ZC3H15: variants seen among roughly 807,000 people sequenced by gnomAD.
ZC3H15 encodes zinc finger CCCH-type containing 15, also known as zinc finger CCCH domain-containing protein 15.
ZC3H15 carries 15 observed loss-of-function variants against 51.2 expected under a neutral mutation model. That is an observed-to-expected ratio of 0.29 (90% CI 0.20 to 0.45). ZC3H15 has a LOEUF of 0.45. Among genes scored for constraint, ZC3H15 ranks in the 20% least tolerant of loss-of-function variants. The pLI is 1.00. For missense variants in ZC3H15, 381 were observed against 494.7 expected, an observed-to-expected ratio of 0.77 and a Z score of 2.18; for synonymous variants, 144 against 162.8, an observed-to-expected ratio of 0.88 and a Z score of 0.88.
intron 1 of ZC3H15, among the ~76,000 whole-genome samples, chr2:186,486,736 A>G (rs1214543570): frequency 6.6e-6 from 1 of 152,168 alleles, no homozygotes; most frequent in Non-Finnish European, 1.5e-5. Flanking sequence ...CGGGACTGGC[A>G]CAGGGTTTTA....
At chr2:186,506,003 T>C in intron 8 of ZC3H15, 162 bp downstream of exon 8, 1 of 730,700 alleles carries the variant, frequency 1.4e-6, no homozygotes, top group Non-Finnish European at 2.5e-6. Context: ...CCTCATCTAA[T>C]ATGGACATAA....
In ZC3H15 at chr2:186,500,816, A is replaced by G. The variant is rs890782736; in HGVS notation, c.290-457A>G. 2.5e-5 allele frequency: 10 copies of G among 406,698 alleles called. No homozygotes were observed. The East Asian group carries it at 7.0e-4, about 29-fold the overall frequency. The allele number at this position is 406,698 out of a possible 1,614,324, so 25.2% of individuals were successfully genotyped here. A position where few individuals can be genotyped will look rare whatever the true frequency, so the allele number is the denominator to read the frequency against. ...CAGCCTCCCAGGTAGCTGGGATTACAGGCACGCACTACCACGCCCAGCTAG... is the reference window on the plus strand; with the variant it reads ...CAGCCTCCCAGGTAGCTGGGATTACGGGCACGCACTACCACGCCCAGCTAG... On this transcript the variant is annotated intron_variant, in intron 3 of 9. Transcript: ENST00000337859.
At chr2:186,498,855 G>C (rs1343764415) in intron 2 of ZC3H15, among the ~76,000 whole-genome samples, 1 of 152,074 alleles carries the variant, frequency 6.6e-6, no homozygotes, top group Non-Finnish European at 1.5e-5. Context: ...TTACCTGTAA[G>C]CTGCTATTTC....
intron 6 of ZC3H15, 143 bp from the exon 7 acceptor site, chr2:186,505,308 A>G (rs949079227): frequency 1.4e-5 from 14 of 1,008,588 alleles, no homozygotes; most frequent in Non-Finnish European, 1.8e-5. Flanking sequence ...CGTAAAGTAA[A>G]AAAATACATA....
intron 8 of ZC3H15, chr2:186,506,143 TCCTC>T: frequency 2.4e-6 from 1 of 422,656 alleles, no homozygotes; most frequent in South Asian, 2.2e-5. Flanking sequence ...GTATGTTTTG[TCCTC>T]CCTCTAAAAG....
intron 1 of ZC3H15, among the ~76,000 whole-genome samples, chr2:186,492,713 C>A (rs1008243559): frequency 6.6e-6 from 1 of 152,094 alleles, no homozygotes; most frequent in Non-Finnish European, 1.5e-5. Flanking sequence ...CTAATTGTTT[C>A]AGTACTATTG....
chr2:186,490,007 A>T (rs555600877), intron 1 of ZC3H15, among the ~76,000 whole-genome samples: 3 of 152,332 alleles, frequency 2.0e-5, no homozygotes, highest in African/African-American at 7.2e-5. Flanking sequence ...GTGTATTATA[A>T]ATAAAAACTA....
rs760590448 is a variant in ZC3H15, at chr2:186,505,578, A to T, written c.845A>T (p.Lys282Ile). The T allele has an allele frequency of 6.2e-7, 1 of 1,605,390 alleles. No individual in the cohort carries two copies. Among genetic ancestry groups the T allele is most frequent in the African/African-American group, 1.3e-5 (1 of 74,272 alleles). The part of the protein sequence containing the change: ...QDMERRKADF[K>I]AGKALVISGR... Reference sequence around the variant, plus strand: ...ATGGAAAGAAGGAAAGCTGACTTCAAAGCAGGGAAAGCACTAGTGGTATGT... The same window carrying T: ...ATGGAAAGAAGGAAAGCTGACTTCATAGCAGGGAAAGCACTAGTGGTATGT... The change falls in exon 7 of 10, where the codon AAA becomes ATA. Residue 282 changes from lysine to isoleucine, a missense_variant. By Grantham distance (102) the Lys-to-Ile change is moderately radical. This residue lies in a region of ZC3H15 where 215 missense variants were observed against 241.8 expected (regional missense o/e 0.89). Transcript: ENST00000337859.
At chr2:186,490,931 A>G (rs991833432) in intron 1 of ZC3H15, among the ~76,000 whole-genome samples, 4 of 152,154 alleles carry the variant, frequency 2.6e-5, no homozygotes, top group African/African-American at 4.8e-5. Context: ...TATTAATCCA[A>G]TGAGGACCAT....
chr2:186,501,207 C>T, intron 3 of ZC3H15, 66 bp from the exon 4 acceptor site: 1 of 1,442,834 alleles, frequency 6.9e-7, no homozygotes, highest in South Asian at 1.7e-5. Flanking sequence ...CATCATATTT[C>T]AGGTAGAATC....
intron 9 of ZC3H15, 75 bp downstream of exon 9, chr2:186,506,911 C>G: frequency 6.7e-7 from 1 of 1,483,550 alleles, no homozygotes; most frequent in Non-Finnish European, 9.1e-7. Context: ...GCTTGGCAAA[C>G]TTAGATGTGT....
chr2:186,509,064 A>G lies in ZC3H15; in HGVS notation c.*331A>G. ...TGGGCATGTGCTATTACCAGAAACAACAAACTTATATTTAAAATACCCTTC... is the reference window on the plus strand; with the variant it reads ...TGGGCATGTGCTATTACCAGAAACAGCAAACTTATATTTAAAATACCCTTC... On this transcript the variant is annotated 3_prime_UTR_variant, in exon 10 of 10. Transcript: ENST00000337859. 1 of 477,646 alleles carries G rather than the reference A, an allele frequency of 2.1e-6. No homozygotes were observed. The highest frequency in any genetic ancestry group is 4.1e-6 in the Non-Finnish European group (1 of 241,410). The allele number at this position is 477,646 out of a possible 1,614,324, so 29.6% of individuals were successfully genotyped here. A position where few individuals can be genotyped will look rare whatever the true frequency, so the allele number is the denominator to read the frequency against.
intron 1 of ZC3H15, among the ~76,000 whole-genome samples, chr2:186,489,998 T>C (rs1034936128): frequency 2.0e-5 from 3 of 152,202 alleles, no homozygotes; most frequent in Admixed American, 1.3e-4. Context: ...ATTTTGATAG[T>C]GTATTATAAA....
intron 2 of ZC3H15, among the ~76,000 whole-genome samples, chr2:186,498,279 T>A (rs1452125355): frequency 2.0e-5 from 3 of 152,306 alleles, no homozygotes; most frequent in East Asian, 3.9e-4. Flanking sequence ...CAGGGCTAAC[T>A]CTTGTGTTGC....
chr2:186,492,345 G>A (rs2105586195), intron 1 of ZC3H15, among the ~76,000 whole-genome samples: 1 of 152,286 alleles, frequency 6.6e-6, no homozygotes, highest in Non-Finnish European at 1.5e-5. Flanking sequence ...AAATTGAATT[G>A]AGTGTTAAAC....
intron 1 of ZC3H15, among the ~76,000 whole-genome samples, chr2:186,491,660 G>GT (rs2105585814): frequency 6.6e-6 from 1 of 152,256 alleles, no homozygotes; most frequent in Non-Finnish European, 1.5e-5. Flanking sequence ...TGGCTCCAGA[G>GT]TTTATGCTTC....
chr2:186,491,285 G>C (rs1243621679), intron 1 of ZC3H15, among the ~76,000 whole-genome samples: 1 of 152,024 alleles, frequency 6.6e-6, no homozygotes, highest in African/African-American at 2.4e-5. Flanking sequence ...ACATTTACTG[G>C]CCCAGACAAG....
intron 3 of ZC3H15, chr2:186,500,570 T>C (rs1428360750): frequency 7.1e-6 from 4 of 562,844 alleles, no homozygotes; most frequent in Non-Finnish European, 1.3e-5. Context: ...ATTCAGTCTT[T>C]GGTAGTAGGT....
At chr2:186,500,855 A>G (rs1685370917) in intron 3 of ZC3H15, among the ~76,000 whole-genome samples, 1 of 151,914 alleles carries the variant, frequency 6.6e-6, no homozygotes, top group African/African-American at 2.4e-5. Flanking sequence ...TTGTATTTTT[A>G]ATAGAGACGG....
Sources: allele counts gnomAD v4.1 joint callset (sites outside exome capture counted in the v4.1 genomes callset), GRCh38; gene constraint gnomAD v4.1.1; regional missense constraint gnomAD v4.1.1; transcripts MANE v1.5; gene names NCBI Gene and HGNC (gene_info 2026-07-23, HGNC 2026-07-21).